Variants in DLG4 observed in about 807,000 individuals in gnomAD.
DLG4 encodes discs large MAGUK scaffold protein 4, also known as disks large homolog 4.
A neutral mutation model predicts 93.8 loss-of-function variants in DLG4; 7 were observed. The ratio of observed to expected loss-of-function variants is 0.07; its 90% CI spans 0.04 to 0.14. The LOEUF is 0.14. Among genes scored for constraint, DLG4 ranks in the 10% least tolerant of loss-of-function variants. The probability of loss-of-function intolerance (pLI) is 1.00; values close to 1 mark genes in which losing one functional copy is unlikely to be tolerated. For synonymous variants in DLG4, 341 were observed against 387.6 expected, an observed-to-expected ratio of 0.88 and a Z score of 1.41; for missense variants, 545 against 992.9, an observed-to-expected ratio of 0.55 and a Z score of 6.06.
In DLG4 at chr17:7,190,753, G is replaced by A; in HGVS notation, c.2130C>T (p.Asp710=). 6.2e-7 allele frequency: 1 copy of A among 1,613,668 alleles called. No homozygotes were observed. The highest frequency in any genetic ancestry group is 1.1e-5 in the South Asian group (1 of 91,074). ...IYHKVKRVIE[D]LSGPYIWVPA... is the part of the protein sequence containing the mutation. Reference sequence around the variant, plus strand: ...GAACCCAGATGTAGGGGCCTGAGAGGTCCTCGATGACACGCTTCACCTTGT... The same window carrying A: ...GAACCCAGATGTAGGGGCCTGAGAGATCCTCGATGACACGCTTCACCTTGT... The change falls in exon 20 of 20, where the codon GAC becomes GAT. Residue 710 remains aspartate (D), a synonymous_variant. Transcript: ENST00000399506.
intron 8 of DLG4, among the ~76,000 whole-genome samples, chr17:7,200,855 G>GTTTTT (rs1339836734): frequency 8.0e-6 from 1 of 125,400 alleles, no homozygotes; most frequent in African/African-American, 3.0e-5. Context: ...AGCCTGTTTT[G>GTTTTT]GTTTTTTTTT....
chr17:7,192,923 C>T, intron 17 of DLG4, 22 bp downstream of exon 17: 1 of 1,588,066 alleles, frequency 6.3e-7, no homozygotes, highest in East Asian at 2.3e-5. Flanking sequence ...AGGAAGAGGA[C>T]CGGGTGCCCG....
chr17:7,218,380 C>G, upstream of DLG4: 1 of 1,442,462 alleles, frequency 6.9e-7, no homozygotes, highest in Non-Finnish European at 9.5e-7. Context: ...AAGGGAGGAG[C>G]CCTTTCAGCC....
chr17:7,213,095 C>CTTTTTTTTTTTT (rs746009346), intron 1 of DLG4, among the ~76,000 whole-genome samples: 1 of 80,862 alleles, frequency 1.2e-5, no homozygotes, highest in Non-Finnish European at 2.8e-5. Flanking sequence ...TTCTTTCTTT[C>CTTTTTTTTTTTT]TTTTTTTTTT....
Position 7,196,921 on chromosome 17 carries a change from T to C in DLG4, c.919A>G (p.Ile307Val). The C allele has an allele frequency of 1.9e-6, 3 of 1,613,812 alleles. No homozygotes were observed. The highest frequency in any genetic ancestry group is 2.5e-6 in the Non-Finnish European group (3 of 1,179,850). The change falls in exon 9 of 20, where the codon ATT becomes GTT. Residue 307 changes from isoleucine to valine, a missense_variant. Physicochemically the swap from Ile to Val is conservative, Grantham distance 29. This residue lies in a region of DLG4 where 428 missense variants were observed against 741.4 expected (regional missense o/e 0.58). Coordinates refer to ENST00000399506, the MANE Select transcript of DLG4 (RefSeq NM_001321075.3). The surrounding 1 kb of genome is among the most constrained non-coding windows in gnomAD (Gnocchi z 8.3). ...ACAATTCGCCTCGGTTCTCGGGGAATGTCTTCCTCCCCGAGCAGGTCCTTG... is the reference window on the plus strand; with the variant it reads ...ACAATTCGCCTCGGTTCTCGGGGAACGTCTTCCTCCCCGAGCAGGTCCTTG... ...VAKDLLGEED[I>V]PREPRRIVIH...
intron 1 of DLG4, among the ~76,000 whole-genome samples, chr17:7,213,100 T>G (rs950953101): frequency 8.0e-6 from 1 of 125,364 alleles, no homozygotes; most frequent in African/African-American, 2.9e-5. Flanking sequence ...TCTTTCTTTT[T>G]TTTTTTTTTT....
chr17:7,189,521 TTCCAGATCCTAGCTCTGTCCACAAC>T lies in DLG4; in HGVS notation c.*1162_*1186del, dbSNP rs1228054575. 1.3e-5 allele frequency among the ~76,000 whole-genome samples: 2 copies of T among 152,010 alleles called. No homozygotes were observed. Among genetic ancestry groups the T allele is most frequent in the East Asian group, 3.9e-4 (2 of 5,192 alleles). ...AAAACAAAAAAACAAAAAAAATCATTTCCAGATCCTAGCTCTGTCCACAACTCCATGAACATGAATGAACGAAGTT... is the reference window on the plus strand; with the variant it reads ...AAAACAAAAAAACAAAAAAAATCATTTCCATGAACATGAATGAACGAAGTT... On this transcript the variant is annotated 3_prime_UTR_variant, in exon 20 of 20. Transcript: ENST00000399506.
At chr17:7,205,153 C>T (rs2070391677) in intron 2 of DLG4, 1 of 985,410 alleles carries the variant, frequency 1.0e-6, no homozygotes, top group African/African-American at 1.7e-5. Context: ...CCCCTACGCC[C>T]CTCACCCTAC....
rs896349024 is a variant in DLG4 at position 7,195,184 on chromosome 17, A to C, written c.1302-689T>G. On this transcript the variant is annotated intron_variant, in intron 11 of 19. Transcript: ENST00000399506. This position sits in a 1 kb window ranked among gnomAD's most constrained non-coding sequence, Gnocchi z 4.3. The stretch of plus-strand genomic sequence containing the variant: ...TTACCCTTACCAGTATCAAATTTCT[A>C]TCAGTAAGTCACAACCCCTGGGGTC... Among the ~76,000 whole-genome samples, 2 of 152,166 alleles carry C rather than the reference A, an allele frequency of 1.3e-5. No individual in the cohort carries two copies. The highest frequency in any genetic ancestry group is 4.8e-5 in the African/African-American group (2 of 41,426).
At chr17:7,204,155 C>T in intron 3 of DLG4, 44 bp downstream of exon 3, 1 of 1,603,574 alleles carries the variant, frequency 6.2e-7, no homozygotes, top group Non-Finnish European at 8.5e-7. Context: ...TTACTCCCTC[C>T]TTCCTTCTGC....
rs2069737325 is a variant in DLG4, at chr17:7,195,682, G to A, written c.1301+538C>T. On this transcript the variant is annotated intron_variant, in intron 11 of 19. Transcript: ENST00000399506. The surrounding 1 kb of genome is among the most constrained non-coding windows in gnomAD (Gnocchi z 4.3). ...GGCAGACGAGGCCATGCAAGCCACA[G>A]GGCCAGACAGGGACAGAAGTGGAGG... Among the ~76,000 whole-genome samples, 1 of 152,122 alleles carries A rather than the reference G, an allele frequency of 6.6e-6. No individual in the cohort carries two copies. Among genetic ancestry groups the A allele is most frequent in the Non-Finnish European group, 1.5e-5 (1 of 68,018 alleles).
rs1794533132 is a variant in DLG4 at position 7,191,239 on chromosome 17, G to T, written c.2068+28C>A. The T allele has an allele frequency of 1.9e-6, 3 of 1,607,996 alleles. No individual in the cohort carries two copies. The highest frequency in any genetic ancestry group is 2.2e-5 in the South Asian group (2 of 90,966). On this transcript the variant is annotated intron_variant, in intron 19 of 19. Transcript: ENST00000399506. The surrounding 1 kb of genome is among the most constrained non-coding windows in gnomAD (Gnocchi z 6.6). ...TAATCCGAGCAAGGGCACCCTACAT[G>T]CTGGCAACAGCCTTGCTGTGGCCTC... is the stretch of plus-strand genomic sequence containing the variant.
At chr17:7,204,497 GC>G (rs2070352253) in intron 2 of DLG4, 3 of 441,454 alleles carry the variant, frequency 6.8e-6, no homozygotes, top group Non-Finnish European at 1.2e-5. Context: ...CCAGCCCGGG[GC>G]CCCCTGCATG....
At chr17:7,204,174 C>T (rs1232385376) in intron 3 of DLG4, 25 bp downstream of exon 3, 1 of 1,606,218 alleles carries the variant, frequency 6.2e-7, no homozygotes. Context: ...GCAATGGCCC[C>T]AGCCCCAAAA....
At chr17:7,217,877 TTATTTGAA>T, upstream of DLG4, 1 of 1,484,916 alleles carries the variant, frequency 6.7e-7, no homozygotes, top group Non-Finnish European at 9.1e-7. Flanking sequence ...GCACCCACGG[TTATTTGAA>T]TACGGGAGGG....
At position 7,196,858 on chromosome 17, in the gene DLG4, C is replaced by T; in HGVS notation, c.982G>A (p.Val328Met). ...RGSTGLGFNI[V>M]GGEDGEGIFI... ...ATGCCTTCACCGTCCTCGCCACCCA[C>T]GATGTTGAAGCCCAGGCCCGTGGAG... Residue 328 changes from valine (V) to methionine (M), a missense_variant, in exon 9 of 20, where the codon GTG (valine) becomes ATG (methionine). Physicochemically the swap from Val to Met is conservative, Grantham distance 21. Around this residue, in one of 5 missense-constraint regions of DLG4, gnomAD observed 428 missense variants for 741.4 expected, o/e 0.58. Coordinates refer to ENST00000399506, the MANE Select transcript of DLG4 (RefSeq NM_001321075.3). The surrounding 1 kb of genome is among the most constrained non-coding windows in gnomAD (Gnocchi z 8.3). 1.2e-6 allele frequency: 2 copies of T among 1,613,780 alleles called. No individual in the cohort carries two copies. Among genetic ancestry groups the T allele is most frequent in the Non-Finnish European group, 1.7e-6 (2 of 1,179,816 alleles).
In DLG4 at chr17:7,204,037, T is replaced by A; in HGVS notation, c.181A>T (p.Met61Leu). The A allele has an allele frequency of 6.2e-7, 1 of 1,610,788 alleles. No homozygotes were observed. The highest frequency in any genetic ancestry group is 8.5e-7 in the Non-Finnish European group (1 of 1,178,614). ...TCCAATGTGATTTCCTCGTATTCCATCTCCCCCTCGGTCCCGTTCACCTGC... is the reference window on the plus strand; with the variant it reads ...TCCAATGTGATTTCCTCGTATTCCAACTCCCCCTCGGTCCCGTTCACCTGC... ...ELQVNGTEGE[M>L]EYEEITLERG... The change falls in exon 4 of 20, where the codon ATG becomes TTG. Residue 61 changes from methionine to leucine, a missense_variant. Around this residue, in one of 5 missense-constraint regions of DLG4, gnomAD observed 49 missense variants for 80.4 expected, o/e 0.61. Transcript: ENST00000399506.
At position 7,194,025 on chromosome 17, in the gene DLG4, C is replaced by G. The variant is rs750735517; in HGVS notation, c.1479-25G>C. 1.2e-6 allele frequency: 2 copies of G among 1,611,922 alleles called. No homozygotes were observed. The highest frequency in any genetic ancestry group is 1.1e-5 in the South Asian group (1 of 90,576). Reference sequence around the variant, plus strand: ...CCTGTGGGATACATGGAGGGATACGCGGGTAGGGGAATGCCTACCCCCTGC... The same window carrying G: ...CCTGTGGGATACATGGAGGGATACGGGGGTAGGGGAATGCCTACCCCCTGC... On this transcript the variant is annotated intron_variant, in intron 12 of 19. Coordinates refer to ENST00000399506, the MANE Select transcript of DLG4 (RefSeq NM_001321075.3). The surrounding 1 kb of genome is among the most constrained non-coding windows in gnomAD (Gnocchi z 4.4).
rs1462303524 is a variant in DLG4 at position 7,188,477 on chromosome 17, T to C, written c.*2231A>G. On this transcript the variant is annotated 3_prime_UTR_variant, in exon 20 of 20. Transcript: ENST00000399506. ...AGCACCTGAGAATCAGAGAAAGGAA[T>C]AGTACCCCAGCAGGTGCCCCCAAAG... is the stretch of plus-strand genomic sequence containing the variant. Among the ~76,000 whole-genome samples the C allele has an allele frequency of 2.6e-5, 4 of 152,050 alleles. No homozygotes were observed. Among genetic ancestry groups the C allele is most frequent in the African/African-American group, 7.2e-5 (3 of 41,400 alleles).
Sources: gnomAD v4.1 joint callset for allele counts (sites outside exome capture counted in the v4.1 genomes callset) on GRCh38, gnomAD v4.1.1 for gene constraint, gnomAD v4.1.1 regional missense constraint, Gnocchi (gnomAD v3.1) non-coding constraint, MANE v1.5 for transcripts, NCBI Gene and HGNC (gene_info 2026-07-23, HGNC 2026-07-21) for gene names.